Variants in PKIB observed in about 807,000 individuals in gnomAD.
PKIB encodes PKI-beta.
PKIB carries 2 observed loss-of-function variants against 4.5 expected under a neutral mutation model. That is an observed-to-expected ratio of 0.44 (90% CI 0.18 to 1.39). The LOEUF is 1.39. PKIB is among the 40% of genes most tolerant of loss of function. PKIB has a pLI of 0.27. For missense variants in PKIB, 94 were observed against 92.6 expected (o/e 1.02, Z -0.06); for synonymous variants, 38 against 36.0 (o/e 1.06, Z -0.20).
chr6:122,600,021 CTA>C (rs1341706990), intron 3 of PKIB, among the ~76,000 whole-genome samples: 2 of 150,210 alleles, frequency 1.3e-5, no homozygotes, highest in African/African-American at 5.0e-5. Flanking sequence ...ATATCTATAT[CTA>C]TATCTATAGC....
At chr6:122,496,775 A>C (rs1776086918) in intron 2 of PKIB, among the ~76,000 whole-genome samples, 1 of 152,194 alleles carries the variant, frequency 6.6e-6, no homozygotes, top group Non-Finnish European at 1.5e-5. Flanking sequence ...AAAGATAAGG[A>C]TACAAAGTAA....
At chr6:122,701,377 G>A in intron 3 of PKIB, 2 of 1,382,326 alleles carry the variant, frequency 1.4e-6, no homozygotes, top group Admixed American at 4.0e-5. Flanking sequence ...TCTAGCCTGA[G>A]CTCTGGTAAG....
At chr6:122,709,204 T>G (rs150028527) in intron 3 of PKIB, among the ~76,000 whole-genome samples, 246 of 152,302 alleles carry the variant, frequency 1.6e-3, no homozygotes, top group African/African-American at 5.7e-3. Context: ...AGAAGTTAGA[T>G]GTCTTTCTAG....
At chr6:122,503,859 A>T (rs1776321152) in intron 2 of PKIB, among the ~76,000 whole-genome samples, 1 of 152,198 alleles carries the variant, frequency 6.6e-6, no homozygotes, top group Admixed American at 6.5e-5. Context: ...GGAGAGAGGA[A>T]AATAATACAG....
intron 2 of PKIB, among the ~76,000 whole-genome samples, chr6:122,635,113 G>T (rs1444697005): frequency 9.8e-6 from 1 of 102,130 alleles, no homozygotes; most frequent in Admixed American, 1.3e-4. Flanking sequence ...TTGTACTTAA[G>T]GAAAATTAAA....
At chr6:122,472,675 G>C (rs1342364170) in intron 1 of PKIB, among the ~76,000 whole-genome samples, 2 of 152,204 alleles carry the variant, frequency 1.3e-5, no homozygotes, top group East Asian at 3.8e-4. Context: ...CATGGGTCGA[G>C]GTGGGGTAAA....
chr6:122,680,896 C>T (rs1007205681), intron 3 of PKIB, among the ~76,000 whole-genome samples: 1 of 152,192 alleles, frequency 6.6e-6, no homozygotes, highest in African/African-American at 2.4e-5. Context: ...CCTCCTGTTA[C>T]TATTAGGATA....
intron 1 of PKIB, 61 bp downstream of exon 1, chr6:122,610,596 G>C (rs1292402285): frequency 6.6e-6 from 1 of 152,448 alleles, no homozygotes. Flanking sequence ...GGAGGAGTGG[G>C]ACTTGGGAAG....
intron 2 of PKIB, among the ~76,000 whole-genome samples, chr6:122,529,146 C>G (rs1202076831): frequency 6.6e-6 from 1 of 152,076 alleles, no homozygotes; most frequent in African/African-American, 2.4e-5. Context: ...TCTCCTTTCT[C>G]TCTGCTTTTG....
intron 3 of PKIB, among the ~76,000 whole-genome samples, chr6:122,601,110 A>G (rs950124748): frequency 6.6e-6 from 1 of 152,100 alleles, no homozygotes; most frequent in Non-Finnish European, 1.5e-5. Flanking sequence ...GAACTATGAA[A>G]AATAAAACAC....
intron 2 of PKIB, among the ~76,000 whole-genome samples, chr6:122,524,950 A>G (rs958202188): frequency 1.3e-5 from 2 of 149,488 alleles, no homozygotes; most frequent in African/African-American, 2.5e-5. Flanking sequence ...TTGTTTGCCT[A>G]TTCTTGCTTT....
At chr6:122,602,743 C>T (rs1026902913) in intron 3 of PKIB, among the ~76,000 whole-genome samples, 1 of 151,604 alleles carries the variant, frequency 6.6e-6, no homozygotes, top group South Asian at 2.1e-4. Context: ...GGCAAAATGC[C>T]GTCTCCCCTA....
intron 2 of PKIB, among the ~76,000 whole-genome samples, chr6:122,578,118 A>T (rs1399658834): frequency 6.6e-6 from 1 of 152,136 alleles, no homozygotes; most frequent in African/African-American, 2.4e-5. Context: ...TACTGTTTAA[A>T]TTAGAAGGAA....
intron 4 of PKIB, among the ~76,000 whole-genome samples, chr6:122,723,038 G>A (rs73768385): frequency 4.6e-4 from 70 of 152,028 alleles, no homozygotes; most frequent in African/African-American, 1.6e-3. Flanking sequence ...TTGGCTTTCC[G>A]GACACTCCAC....
chr6:122,508,130 T>G (rs377107572), intron 2 of PKIB, among the ~76,000 whole-genome samples: 2 of 152,248 alleles, frequency 1.3e-5, no homozygotes, highest in South Asian at 4.1e-4. Flanking sequence ...TACAGTAGTC[T>G]GGTCCATTGT....
intron 3 of PKIB, among the ~76,000 whole-genome samples, chr6:122,713,584 A>C (rs1582838866): frequency 6.6e-6 from 1 of 152,244 alleles, no homozygotes; most frequent in East Asian, 1.9e-4. Context: ...AACAACAGAC[A>C]AATGAGAGAT....
chr6:122,559,103 G>T (rs1772940117), intron 2 of PKIB, among the ~76,000 whole-genome samples: 1 of 151,936 alleles, frequency 6.6e-6, no homozygotes, highest in African/African-American at 2.4e-5. Context: ...TGGCTGCATA[G>T]TATTCCATCA....
chr6:122,654,998 A>G (rs1776710564), intron 2 of PKIB, among the ~76,000 whole-genome samples: 3 of 152,156 alleles, frequency 2.0e-5, no homozygotes, highest in African/African-American at 7.2e-5. Context: ...TGTTTTTGAG[A>G]CAGAATTTAA....
intron 2 of PKIB, among the ~76,000 whole-genome samples, chr6:122,574,006 C>T (rs778830656): frequency 3.3e-5 from 5 of 152,120 alleles, no homozygotes. Flanking sequence ...ATGATATGAT[C>T]ATATACCTAG....
Sources: allele counts gnomAD v4.1 joint callset (sites outside exome capture counted in the v4.1 genomes callset), GRCh38; gene constraint gnomAD v4.1.1; transcripts MANE v1.5; gene names NCBI Gene and HGNC (gene_info 2026-07-23, HGNC 2026-07-21).